The following SH3BGR variants were observed in gnomAD, a reference collection of about 807,000 sequenced individuals.
SH3BGR encodes SH3 domain binding glutamate rich protein, also known as SH3 domain-binding glutamic acid-rich protein.
Under a neutral mutation model 24.5 loss-of-function variants are expected in SH3BGR, and 29 were observed. That is an observed-to-expected ratio of 1.18 (90% CI 0.88 to 1.61). The LOEUF (loss-of-function observed/expected upper bound fraction) is 1.61. Among genes scored for constraint, SH3BGR ranks in the 40% most tolerant of loss-of-function variants. The pLI is 0.00. For synonymous variants in SH3BGR, 55 were observed against 65.7 expected, an observed-to-expected ratio of 0.84 and a Z score of 0.79; for missense variants, 162 against 205.8, an observed-to-expected ratio of 0.79 and a Z score of 1.30.
At chr21:39,475,967 A>G (rs1005689033) in intron 3 of SH3BGR, among the ~76,000 whole-genome samples, 1 of 152,182 alleles carries the variant, frequency 6.6e-6, no homozygotes, top group African/African-American at 2.4e-5. Context: ...TGAAGAAGTG[A>G]GGTAGGCAAT....
chr21:39,462,705 G>T, intron 2 of SH3BGR, 145 bp downstream of exon 2: 1 of 514,216 alleles, frequency 1.9e-6, no homozygotes, highest in Middle Eastern at 3.9e-4. Context: ...CTGGATGGTA[G>T]ATCCATTATG....
intron 1 of SH3BGR, among the ~76,000 whole-genome samples, chr21:39,458,588 T>G (rs1239861536): frequency 2.6e-5 from 4 of 151,878 alleles, no homozygotes; most frequent in African/African-American, 9.7e-5. Flanking sequence ...TCCACCTACC[T>G]TGGCCTCCCA....
intron 2 of SH3BGR, among the ~76,000 whole-genome samples, chr21:39,471,013 C>T (rs911250882): frequency 2.0e-5 from 3 of 152,112 alleles, no homozygotes; most frequent in African/African-American, 7.2e-5. Flanking sequence ...CTCTAAGTTG[C>T]TATTGAGAAG....
intron 3 of SH3BGR, among the ~76,000 whole-genome samples, chr21:39,498,025 C>T (rs1026927816): frequency 4.6e-5 from 7 of 152,194 alleles, no homozygotes; most frequent in East Asian, 1.9e-4. Context: ...AATAAATTAT[C>T]GTATATTTAA....
intron 1 of SH3BGR, among the ~76,000 whole-genome samples, chr21:39,461,635 G>A (rs2077756723): frequency 6.6e-6 from 1 of 152,138 alleles, no homozygotes; most frequent in Admixed American, 6.6e-5. Flanking sequence ...TTTGAAAGTG[G>A]TTTGAACAGT....
At chr21:39,510,677 A>T (rs888477161) in intron 5 of SH3BGR, among the ~76,000 whole-genome samples, 3 of 151,894 alleles carry the variant, frequency 2.0e-5, no homozygotes, top group African/African-American at 7.3e-5. Flanking sequence ...TCTTTCCAAT[A>T]ATTATTTCTT....
intron 3 of SH3BGR, among the ~76,000 whole-genome samples, chr21:39,482,748 C>T (rs1165865654): frequency 6.6e-6 from 1 of 152,114 alleles, no homozygotes; most frequent in Admixed American, 6.5e-5. Context: ...CAGCTCACTG[C>T]GACCTCTGCC....
At chr21:39,507,126 A>G (rs1189790026) in intron 4 of SH3BGR, among the ~76,000 whole-genome samples, 1 of 152,214 alleles carries the variant, frequency 6.6e-6, no homozygotes, top group Non-Finnish European at 1.5e-5. Context: ...CACCAGTGGC[A>G]TTTAACGTAA....
intron 4 of SH3BGR, among the ~76,000 whole-genome samples, chr21:39,503,693 A>G (rs913651902): frequency 6.6e-6 from 1 of 152,252 alleles, no homozygotes; most frequent in African/African-American, 2.4e-5. Flanking sequence ...AATGGAAACA[A>G]AAACTATTAT....
At chr21:39,453,307 C>T (rs2077604664) in intron 1 of SH3BGR, among the ~76,000 whole-genome samples, 1 of 152,228 alleles carries the variant, frequency 6.6e-6, no homozygotes, top group East Asian at 1.9e-4. Flanking sequence ...TGAGAACACA[C>T]TCCAAATGTG....
At chr21:39,500,181 G>A (rs1041697637) in intron 4 of SH3BGR, among the ~76,000 whole-genome samples, 3 of 152,090 alleles carry the variant, frequency 2.0e-5, no homozygotes, top group Admixed American at 6.5e-5. Flanking sequence ...TGTTGTGGTG[G>A]TGTTATGGCT....
chr21:39,459,769 G>T (rs967644774), intron 1 of SH3BGR, among the ~76,000 whole-genome samples: 1 of 151,092 alleles, frequency 6.6e-6, no homozygotes, highest in Non-Finnish European at 1.5e-5. Flanking sequence ...AAATTTGTTT[G>T]CCCAGGCTGG....
At chr21:39,495,334 A>G (rs1039132120) in intron 3 of SH3BGR, among the ~76,000 whole-genome samples, 6 of 152,200 alleles carry the variant, frequency 3.9e-5, no homozygotes, top group African/African-American at 7.2e-5. Context: ...TCTGAAAAAC[A>G]TTGACTATTG....
intron 2 of SH3BGR, among the ~76,000 whole-genome samples, chr21:39,474,224 C>T (rs759181328): frequency 6.6e-6 from 1 of 152,112 alleles, no homozygotes; most frequent in Non-Finnish European, 1.5e-5. Flanking sequence ...CCTTGGCCTC[C>T]CGAAGTGCTG....
In SH3BGR at chr21:39,511,092, G is replaced by T. The variant is rs985608982; in HGVS notation, c.436-588G>T. Among the ~76,000 whole-genome samples, 1 of 117,446 alleles carries T rather than the reference G, an allele frequency of 8.5e-6. No individual in the cohort carries two copies. The highest frequency in any genetic ancestry group is 1.0e-4 in the Admixed American group (1 of 9,746). 77.0% of individuals were successfully genotyped at this position (117,446 alleles called of 152,430 possible). ...TAAATTGAGGACTCTGTGTTTAGAA[G>T]GATGATTTTTTTTATGTGTGTGTAT... On this transcript the variant is annotated intron_variant, in intron 5 of 6. Transcript: ENST00000333634. This position sits in a 1 kb window ranked among gnomAD's most constrained non-coding sequence, Gnocchi z 4.2.
intron 1 of SH3BGR, among the ~76,000 whole-genome samples, chr21:39,446,546 C>T (rs1243031135): frequency 2.0e-5 from 3 of 152,116 alleles, no homozygotes; most frequent in African/African-American, 7.2e-5. Flanking sequence ...CGATACTTGG[C>T]CCGCATTGGA....
upstream of SH3BGR, among the ~76,000 whole-genome samples, chr21:39,449,418 GC>G (rs879389856): frequency 1.1e-4 from 17 of 152,202 alleles, 1 homozygote; most frequent in Admixed American, 3.3e-4. Context: ...ATGGTTGGCT[GC>G]TTGCATCTTC....
rs147849831 is a variant in SH3BGR, at chr21:39,475,365, A to G, written c.312+150A>G. 1.2e-3 allele frequency: 569 copies of G among 478,958 alleles called. 5 individuals carry two copies. Among genetic ancestry groups the G allele is most frequent in the African/African-American group, 9.4e-3 (487 of 51,582 alleles). The allele number at this position is 478,958 out of a possible 1,614,324, so 29.7% of individuals were successfully genotyped here. A position where few individuals can be genotyped will look rare whatever the true frequency, so the allele number is the denominator to read the frequency against. On this transcript the variant is annotated intron_variant, in intron 3 of 6. Transcript: ENST00000333634. Reference sequence around the variant, plus strand: ...TATTCTGATGCAGTCCTATGCATAGAGAGAATGCAGTTTTTACTAAAAAAA... The same window carrying G: ...TATTCTGATGCAGTCCTATGCATAGGGAGAATGCAGTTTTTACTAAAAAAA...
chr21:39,478,601 C>T (rs549352074), intron 3 of SH3BGR, among the ~76,000 whole-genome samples: 334 of 152,224 alleles, frequency 2.2e-3, no homozygotes, highest in African/African-American at 7.8e-3. Flanking sequence ...GACTTCTATG[C>T]GGATTCATTT....
Sources: gnomAD v4.1 joint callset for allele counts (sites outside exome capture counted in the v4.1 genomes callset) on GRCh38, gnomAD v4.1.1 for gene constraint, Gnocchi (gnomAD v3.1) non-coding constraint, MANE v1.5 for transcripts, NCBI Gene and HGNC (gene_info 2026-07-23, HGNC 2026-07-21) for gene names.